The following SV2C variants were observed in gnomAD, a reference collection of about 807,000 sequenced individuals.
SV2C encodes solute carrier family 22 member B3.
SV2C carries 49 observed loss-of-function variants against 79.7 expected under a neutral mutation model. That is an observed-to-expected ratio of 0.61 (90% CI 0.49 to 0.78). SV2C has a LOEUF of 0.78. SV2C is among the 30% of genes least tolerant of loss of function. The probability of loss-of-function intolerance (pLI) is 0.00; values close to 1 mark genes in which losing one functional copy is unlikely to be tolerated. For missense variants in SV2C, 833 were observed against 912.9 expected, an observed-to-expected ratio of 0.91 and a Z score of 1.13; for synonymous variants, 334 against 333.2, an observed-to-expected ratio of 1.00 and a Z score of -0.03.
At chr5:75,864,390 C>A in the SV2C span, among the ~76,000 whole-genome samples, 7 of 152,066 alleles carry the variant, frequency 4.6e-5, no homozygotes, top group Non-Finnish European at 1.0e-4. Context: ...GGTACCAGGC[C>A]CCTATCTCCT....
intron 1 of SV2C, among the ~76,000 whole-genome samples, chr5:76,108,694 T>C (rs889975339): frequency 4.6e-5 from 7 of 152,356 alleles, no homozygotes; most frequent in African/African-American, 1.7e-4. Context: ...AAAGATCATG[T>C]TTTGGTTTCA....
the SV2C span, among the ~76,000 whole-genome samples, chr5:75,907,530 A>G: frequency 6.6e-6 from 1 of 152,150 alleles, no homozygotes; most frequent in African/African-American, 2.4e-5. Context: ...CAAAACTGCT[A>G]AGAAAGAGAA....
At chr5:75,868,254 T>C in the SV2C span, among the ~76,000 whole-genome samples, 1 of 152,288 alleles carries the variant, frequency 6.6e-6, no homozygotes, top group East Asian at 1.9e-4. Context: ...AGTGAAAAGA[T>C]TGGAGAAAGA....
chr5:75,949,608 G>C, the SV2C span, among the ~76,000 whole-genome samples: 1 of 151,970 alleles, frequency 6.6e-6, no homozygotes, highest in Admixed American at 6.6e-5. Flanking sequence ...TGGTGAATAT[G>C]TCTCACCAGA....
intron 2 of SV2C, among the ~76,000 whole-genome samples, chr5:76,189,460 G>A (rs974003370): frequency 6.6e-6 from 1 of 152,156 alleles, no homozygotes; most frequent in Admixed American, 6.5e-5. Flanking sequence ...ACTTTTAGGG[G>A]TCTTCAGAGG....
At chr5:75,903,366 T>TG in the SV2C span, among the ~76,000 whole-genome samples, 1 of 135,256 alleles carries the variant, frequency 7.4e-6, no homozygotes, top group African/African-American at 2.6e-5. Flanking sequence ...CACAAAAAGG[T>TG]GTTTTTTTTT....
At chr5:75,878,365 C>G in the SV2C span, among the ~76,000 whole-genome samples, 29,901 of 151,982 alleles carry the variant, frequency 0.2, 4,729 homozygotes, top group African/African-American at 0.45. Flanking sequence ...TAGGTTTAAA[C>G]GTCTGTTTCT....
chr5:76,292,788 G>A (rs1747608708), intron 8 of SV2C, among the ~76,000 whole-genome samples: 1 of 152,222 alleles, frequency 6.6e-6, no homozygotes, highest in Non-Finnish European at 1.5e-5. Flanking sequence ...GAAATAGGGA[G>A]AAAATAACAA....
the SV2C span, among the ~76,000 whole-genome samples, chr5:75,951,505 A>G: frequency 6.6e-6 from 1 of 152,050 alleles, no homozygotes; most frequent in Non-Finnish European, 1.5e-5. Flanking sequence ...TCAAGGTTGG[A>G]GAGCCTTTCT....
intron 1 of SV2C, among the ~76,000 whole-genome samples, chr5:76,098,235 C>T (rs910638708): frequency 3.9e-5 from 6 of 152,176 alleles, no homozygotes; most frequent in African/African-American, 1.2e-4. Flanking sequence ...CCAGAGTCTT[C>T]TGTGTATAAG....
At chr5:75,889,212 C>T in the SV2C span, among the ~76,000 whole-genome samples, 3,731 of 151,200 alleles carry the variant, frequency 0.025, 155 homozygotes, top group African/African-American at 0.085. Context: ...TTAAGCCCCA[C>T]GTGCATTAGG....
the SV2C span, among the ~76,000 whole-genome samples, chr5:76,003,436 T>C: frequency 6.6e-6 from 1 of 152,194 alleles, no homozygotes; most frequent in Non-Finnish European, 1.5e-5. Context: ...ATTATTATAA[T>C]AATTGCATTT....
chr5:76,002,178 A>G, the SV2C span, among the ~76,000 whole-genome samples: 4,758 of 151,398 alleles, frequency 0.031, 110 homozygotes, highest in East Asian at 0.043. Flanking sequence ...GTGTATATAT[A>G]TATATATATA....
intron 2 of SV2C, among the ~76,000 whole-genome samples, chr5:76,139,851 A>T (rs1451291041): frequency 1.4e-5 from 1 of 72,188 alleles, no homozygotes; most frequent in Non-Finnish European, 4.2e-5. Context: ...GAAGCTCTTG[A>T]AAGTATTTTT....
At position 76,264,957 on chromosome 5, in the gene SV2C, G is replaced by A. The variant is rs190119251; in HGVS notation, c.914-20205G>A. On this transcript the variant is annotated intron_variant, in intron 4 of 12. Transcript: ENST00000502798. Reference sequence around the variant, plus strand: ...GGCAGTCTGTCCCTTGGTAGAGCTTGAGCGCTGTGCTAGGAGAACCTTCCT... The same window carrying A: ...GGCAGTCTGTCCCTTGGTAGAGCTTAAGCGCTGTGCTAGGAGAACCTTCCT... Among the ~76,000 whole-genome samples the A allele has an allele frequency of 3.3e-5, 5 of 152,320 alleles. No individual in the cohort carries two copies. In the East Asian group the frequency reaches 7.7e-4, roughly 24 times the overall value.
At position 76,330,202 on chromosome 5, in the gene SV2C, C is replaced by T. The variant is rs1425720026; in HGVS notation, c.*4655C>T. On this transcript the variant is annotated 3_prime_UTR_variant, in exon 13 of 13. Transcript: ENST00000502798. ...CATTCCTCTTGTCGCCCGTCTCTCA[C>T]CAACCAGTCACAGAGCCATTGCCAG... 6.6e-6 allele frequency: 1 copy of T among 152,166 alleles called. No homozygotes were observed. Among genetic ancestry groups the T allele is most frequent in the Non-Finnish European group, 1.5e-5 (1 of 68,038 alleles). 9.4% of individuals were successfully genotyped at this position (152,166 alleles called of 1,614,324 possible).
chr5:76,092,861 A>G (rs1747425737), intron 1 of SV2C, among the ~76,000 whole-genome samples: 1 of 151,980 alleles, frequency 6.6e-6, no homozygotes, highest in African/African-American at 2.4e-5. Context: ...GACACTCCAC[A>G]GCTCTTTCTC....
the SV2C span, among the ~76,000 whole-genome samples, chr5:75,986,903 C>T: frequency 6.6e-6 from 1 of 151,968 alleles, no homozygotes; most frequent in Admixed American, 6.6e-5. Context: ...TCCAGAGTAT[C>T]CCACTGTCCA....
intron 1 of SV2C, among the ~76,000 whole-genome samples, chr5:76,127,667 G>T (rs757388146): frequency 6.6e-6 from 1 of 152,068 alleles, no homozygotes; most frequent in African/African-American, 2.4e-5. Context: ...TGCCTTCCTC[G>T]GCCAGCACCT....
Sources: gnomAD v4.1 joint callset for allele counts (sites outside exome capture counted in the v4.1 genomes callset) on GRCh38, gnomAD v4.1.1 for gene constraint, MANE v1.5 for transcripts, NCBI Gene and HGNC (gene_info 2026-07-23, HGNC 2026-07-21) for gene names.